CADPS: variants seen among roughly 807,000 people sequenced by gnomAD.
CADPS encodes the protein calcium dependent secretion activator.
CADPS carries 57 observed loss-of-function variants against 167.3 expected under a neutral mutation model. The observed-to-expected ratio is 0.34, with a 90% CI of 0.28 to 0.42. CADPS has a LOEUF of 0.42. Ranked by LOEUF, CADPS falls within the 20% of genes least tolerant of loss-of-function variation. The probability of loss-of-function intolerance (pLI) is 1.00; values close to 1 mark genes in which losing one functional copy is unlikely to be tolerated. For missense variants in CADPS, 1,414 were observed against 1,738.1 expected (o/e 0.81, Z 3.32); for synonymous variants, 676 against 635.3 (o/e 1.06, Z -0.96).
Position 62,544,901 on chromosome 3 carries a change from T to TA in CADPS, c.1966+5001dup, listed in dbSNP as rs1035869861. 1 of 1,197,838 alleles carries TA rather than the reference T, an allele frequency of 8.3e-7. No homozygotes were observed. Among genetic ancestry groups the TA allele is most frequent in the Non-Finnish European group, 1.1e-6 (1 of 940,406 alleles). The allele number at this position is 1,197,838 out of a possible 1,614,324, so 74.2% of individuals were successfully genotyped here. On this transcript the variant is annotated intron_variant, in intron 11 of 29. Transcript: ENST00000383710. The surrounding 1 kb of genome is among the most constrained non-coding windows in gnomAD (Gnocchi z 4.4). ...TAAGAAGGAACAAACCAGAATAACA[T>TA]AAAGACTAGCAACAAGGCTCAGGAA...
At chr3:62,434,644 C>T (rs184566052) in intron 28 of CADPS, among the ~76,000 whole-genome samples, 14 of 152,202 alleles carry the variant, frequency 9.2e-5, no homozygotes, top group Admixed American at 1.3e-4. Context: ...AATGCTATGC[C>T]GATAATCTCC....
chr3:62,787,628 A>T (rs1437595578), intron 1 of CADPS, among the ~76,000 whole-genome samples: 1 of 152,126 alleles, frequency 6.6e-6, no homozygotes, highest in Admixed American at 6.5e-5. Context: ...TACTGATAGG[A>T]TGTGTGTTCA....
intron 13 of CADPS, among the ~76,000 whole-genome samples, chr3:62,530,453 C>G (rs745346737): frequency 1.3e-5 from 2 of 152,128 alleles, no homozygotes; most frequent in Non-Finnish European, 2.9e-5. Context: ...TCACTGAACA[C>G]CTGACTCAAA....
At chr3:62,579,371 C>T (rs145948346) in intron 8 of CADPS, among the ~76,000 whole-genome samples, 2 of 152,316 alleles carry the variant, frequency 1.3e-5, no homozygotes, top group East Asian at 3.9e-4. Context: ...TGCTACATGT[C>T]AGTCTCTGTA....
intron 6 of CADPS, among the ~76,000 whole-genome samples, chr3:62,627,972 T>A (rs2064438078): frequency 6.6e-6 from 1 of 152,174 alleles, no homozygotes; most frequent in Admixed American, 6.5e-5. Flanking sequence ...ATCCATCCCT[T>A]CCCCTAAGGA....
intron 17 of CADPS, among the ~76,000 whole-genome samples, chr3:62,501,841 T>C (rs2065817987): frequency 6.6e-6 from 1 of 152,228 alleles, no homozygotes; most frequent in African/African-American, 2.4e-5. Flanking sequence ...TTAGATTGAC[T>C]ACAATAGATA....
intron 6 of CADPS, among the ~76,000 whole-genome samples, chr3:62,621,749 C>T (rs989856264): frequency 1.3e-5 from 2 of 152,052 alleles, no homozygotes; most frequent in Non-Finnish European, 2.9e-5. Context: ...GCACCCTCTA[C>T]CCTCCGATAG....
chr3:62,532,731 GTGT>G, intron 13 of CADPS, 137 bp downstream of exon 13: 1 of 614,084 alleles, frequency 1.6e-6, no homozygotes, highest in Non-Finnish European at 2.8e-6. Flanking sequence ...GTGTGTGTGT[GTGT>G]GTGTGTGTGT....
intron 27 of CADPS, among the ~76,000 whole-genome samples, chr3:62,443,042 A>C (rs2056617233): frequency 6.6e-6 from 1 of 152,230 alleles, no homozygotes; most frequent in African/African-American, 2.4e-5. Flanking sequence ...GCTTTGTCCT[A>C]AGTCATTAAT....
intron 1 of CADPS, among the ~76,000 whole-genome samples, chr3:62,786,522 T>A (rs977326280): frequency 6.6e-6 from 1 of 152,082 alleles, no homozygotes; most frequent in Non-Finnish European, 1.5e-5. Context: ...ATGCCTGTAG[T>A]CCCAGCTACT....
chr3:62,587,081 A>C (rs2084806618), intron 7 of CADPS, among the ~76,000 whole-genome samples: 1 of 152,142 alleles, frequency 6.6e-6, no homozygotes, highest in African/African-American at 2.4e-5. Flanking sequence ...TTTTTATCTC[A>C]TGATATGAGT....
intron 28 of CADPS, among the ~76,000 whole-genome samples, chr3:62,428,296 CTTTTTTTTTTT>C (rs34002756): frequency 8.4e-4 from 54 of 64,646 alleles, no homozygotes; most frequent in African/African-American, 3.0e-3. Context: ...GGAAGCAAGA[CTTTTTTTTTTT>C]TTTTTTTTTT....
intron 21 of CADPS, among the ~76,000 whole-genome samples, chr3:62,487,277 T>C (rs904280769): frequency 1.3e-5 from 2 of 152,242 alleles, no homozygotes; most frequent in Admixed American, 1.3e-4. Context: ...AGTTGTTTTC[T>C]AGGTTTTCTT....
chr3:62,498,332 T>TTCTCA (rs1162575368), intron 18 of CADPS, among the ~76,000 whole-genome samples: 3 of 152,182 alleles, frequency 2.0e-5, no homozygotes, highest in African/African-American at 7.2e-5. Context: ...AAATTACTTT[T>TTCTCA]AGGAAATGTC....
At chr3:62,636,833 T>G (rs377272524) in intron 6 of CADPS, among the ~76,000 whole-genome samples, 94 of 152,248 alleles carry the variant, frequency 6.2e-4, no homozygotes, top group African/African-American at 2.1e-3. Context: ...TGAGAACTAG[T>G]TCTTTTATCA....
At chr3:62,843,566 G>T (rs994743540) in intron 1 of CADPS, among the ~76,000 whole-genome samples, 1 of 151,666 alleles carries the variant, frequency 6.6e-6, no homozygotes, top group Non-Finnish European at 1.5e-5. Context: ...GCAGCATAAC[G>T]TTGGACTCAA....
chr3:62,500,602 T>C (rs2065596657), intron 17 of CADPS: 1 of 152,200 alleles, frequency 6.6e-6, no homozygotes, highest in Non-Finnish European at 1.5e-5. Flanking sequence ...AAACATCATT[T>C]AGTAGAATTC....
At chr3:62,672,023 A>C (rs966510830) in intron 3 of CADPS, among the ~76,000 whole-genome samples, 5 of 151,950 alleles carry the variant, frequency 3.3e-5, no homozygotes, top group Non-Finnish European at 7.4e-5. Flanking sequence ...CTCGTGATCC[A>C]CCCACCTCAG....
chr3:62,437,850 TG>T (rs2055462627), intron 28 of CADPS, among the ~76,000 whole-genome samples: 1 of 152,140 alleles, frequency 6.6e-6, no homozygotes, highest in Non-Finnish European at 1.5e-5. Context: ...CGTGCAGGAA[TG>T]AGCCTGCTTG....
Sources: allele counts gnomAD v4.1 joint callset (sites outside exome capture counted in the v4.1 genomes callset), GRCh38; gene constraint gnomAD v4.1.1; non-coding constraint Gnocchi (gnomAD v3.1); transcripts MANE v1.5; gene names NCBI Gene and HGNC (gene_info 2026-07-23, HGNC 2026-07-21).